ABCA13: variants seen among roughly 807,000 people sequenced by gnomAD.
ABCA13 encodes ATP binding cassette subfamily A member 13, also known as ATP-binding cassette sub-family A member 13.
Under a neutral mutation model 478.7 loss-of-function variants are expected in ABCA13, and 476 were observed. The ratio of observed to expected loss-of-function variants is 0.99; its 90% CI spans 0.92 to 1.07. ABCA13 has a LOEUF of 1.07. Ranked by LOEUF, ABCA13 falls within the 50% of genes least tolerant of loss-of-function variation. The pLI, the probability that ABCA13 is intolerant of heterozygous loss-of-function variation, is 0.00. For missense variants in ABCA13, 6,060 were observed against 5,910.6 expected, an observed-to-expected ratio of 1.03 and a Z score of -0.83; for synonymous variants, 2,252 against 2,158.9, an observed-to-expected ratio of 1.04 and a Z score of -1.20.
chr7:48,473,298 C>T (rs1455949239), intron 45 of ABCA13, among the ~76,000 whole-genome samples: 5 of 152,114 alleles, frequency 3.3e-5, no homozygotes, highest in Non-Finnish European at 5.9e-5. Context: ...AGCCATGTTC[C>T]AAGCAAGCTC....
At chr7:48,239,510 C>A in intron 9 of ABCA13, 105 bp downstream of exon 9, 1 of 1,353,242 alleles carries the variant, frequency 7.4e-7, no homozygotes, top group Non-Finnish European at 9.8e-7. Flanking sequence ...ATTTTATGTC[C>A]CTCCAAGGAA....
At chr7:48,224,093 C>T (rs936730045) in intron 5 of ABCA13, among the ~76,000 whole-genome samples, 8 of 152,054 alleles carry the variant, frequency 5.3e-5, no homozygotes, top group Admixed American at 3.9e-4. Context: ...ATTGCAGAGG[C>T]CTTTGCTGTC....
intron 7 of ABCA13, among the ~76,000 whole-genome samples, chr7:48,233,473 T>C (rs1454767760): frequency 6.6e-6 from 1 of 152,172 alleles, no homozygotes; most frequent in Non-Finnish European, 1.5e-5. Context: ...TTTGGGTAGC[T>C]CATGAATTTT....
chr7:48,263,644 C>G (rs563889370), intron 15 of ABCA13, among the ~76,000 whole-genome samples: 43 of 151,096 alleles, frequency 2.8e-4, no homozygotes, highest in Middle Eastern at 6.8e-3. Flanking sequence ...TTCTTCCTCA[C>G]CGAAATGAGT....
chr7:48,460,029 C>T (rs1027023851), intron 43 of ABCA13, among the ~76,000 whole-genome samples: 1 of 152,076 alleles, frequency 6.6e-6, no homozygotes, highest in Non-Finnish European at 1.5e-5. Flanking sequence ...TACCCCCAAA[C>T]TCTCTCTCTT....
intron 61 of ABCA13, among the ~76,000 whole-genome samples, 170 bp downstream of exon 61, chr7:48,644,924 C>T (rs551818074): frequency 6.6e-6 from 1 of 152,204 alleles, no homozygotes; most frequent in African/African-American, 2.4e-5. Context: ...AGTTTGTTTA[C>T]TGTATACCCT....
At chr7:48,338,519 C>T in intron 29 of ABCA13, 64 bp downstream of exon 29, 1 of 1,342,856 alleles carries the variant, frequency 7.4e-7, no homozygotes, top group Non-Finnish European at 1.0e-6. Flanking sequence ...TTGGGTGGGT[C>T]CTCCCCCTTG....
At chr7:48,438,463 G>A (rs1294785837) in intron 42 of ABCA13, among the ~76,000 whole-genome samples, 1 of 151,972 alleles carries the variant, frequency 6.6e-6, no homozygotes, top group Admixed American at 6.6e-5. Context: ...TCTTGCTGAT[G>A]TCACTCTATC....
intron 59 of ABCA13, among the ~76,000 whole-genome samples, chr7:48,621,503 G>A (rs1390130209): frequency 6.6e-6 from 1 of 152,118 alleles, no homozygotes; most frequent in Non-Finnish European, 1.5e-5. Context: ...ACAATAAAGA[G>A]GATATGTGTG....
rs118092395 is a variant in ABCA13 at position 48,617,719 on chromosome 7, G to A, written c.14837+2342G>A. On this transcript the variant is annotated intron_variant, in intron 59 of 61. Coordinates refer to ENST00000435803, the MANE Select transcript of ABCA13 (RefSeq NM_152701.5). ...GCTTCTGAATTGCAGTGCTGACCTT[G>A]ACCTCATGAACAGTCGGGAACCCTT... Among the ~76,000 whole-genome samples, 295 of 152,266 alleles carry A rather than the reference G, an allele frequency of 1.9e-3. 1 individual carries two copies. Among genetic ancestry groups the A allele is most frequent in the Middle Eastern group, 0.01 (3 of 294 alleles).
At chr7:48,405,218 T>G (rs1818104616) in intron 39 of ABCA13, among the ~76,000 whole-genome samples, 1 of 152,236 alleles carries the variant, frequency 6.6e-6, no homozygotes, top group African/African-American at 2.4e-5. Context: ...CCGTCTGCAG[T>G]CAGCAGGACC....
chr7:48,261,890 G>A (rs1215689658), intron 15 of ABCA13, among the ~76,000 whole-genome samples: 2 of 151,946 alleles, frequency 1.3e-5, no homozygotes, highest in African/African-American at 4.8e-5. Context: ...CCATGTCAAA[G>A]GGGGTGGCTT....
chr7:48,256,522 C>T (rs1793408902), intron 15 of ABCA13, among the ~76,000 whole-genome samples: 1 of 152,098 alleles, frequency 6.6e-6, no homozygotes, highest in South Asian at 2.1e-4. Context: ...CATGGCTAGC[C>T]AGTTATTCCA....
intron 30 of ABCA13, 49 bp from the exon 31 acceptor site, chr7:48,352,132 C>CTTTGTTA: frequency 6.5e-7 from 1 of 1,536,126 alleles, no homozygotes; most frequent in African/African-American, 1.4e-5. Context: ...GTGGTTTGAG[C>CTTTGTTA]CACTCCCTAC....
chr7:48,218,311 A>G (rs897339944), intron 3 of ABCA13, among the ~76,000 whole-genome samples: 10 of 152,290 alleles, frequency 6.6e-5, no homozygotes, highest in African/African-American at 2.4e-4. Context: ...AGCCTTTAAT[A>G]TGAGGCCTCA....
intron 42 of ABCA13, among the ~76,000 whole-genome samples, chr7:48,449,112 G>T (rs1824669102): frequency 6.6e-6 from 1 of 152,110 alleles, no homozygotes; most frequent in African/African-American, 2.4e-5. Context: ...CAAAGTGCTG[G>T]GATTACAGGC....
chr7:48,536,714 T>G (rs2131096328), intron 55 of ABCA13, among the ~76,000 whole-genome samples: 1 of 152,266 alleles, frequency 6.6e-6, no homozygotes, highest in Admixed American at 6.5e-5. Context: ...CTTTTCCTTT[T>G]GACAAATTTG....
intron 45 of ABCA13, among the ~76,000 whole-genome samples, chr7:48,472,295 G>A (rs964377780): frequency 2.6e-5 from 4 of 152,138 alleles, no homozygotes; most frequent in Non-Finnish European, 5.9e-5. Flanking sequence ...TTTGGAGAAC[G>A]TGTTTACAGG....
chr7:48,342,775 C>G (rs948294753), intron 29 of ABCA13, among the ~76,000 whole-genome samples: 9 of 152,116 alleles, frequency 5.9e-5, no homozygotes, highest in African/African-American at 1.9e-4. Flanking sequence ...CCTATTTTCT[C>G]TTTATACTTC....
Sources: gnomAD v4.1 joint callset for allele counts (sites outside exome capture counted in the v4.1 genomes callset) on GRCh38, gnomAD v4.1.1 for gene constraint, MANE v1.5 for transcripts, NCBI Gene and HGNC (gene_info 2026-07-23, HGNC 2026-07-21) for gene names.